The following STXBP5L variants were observed in gnomAD, a reference collection of about 807,000 sequenced individuals.
STXBP5L encodes syntaxin binding protein 5L, also known as syntaxin-binding protein 5-like.
In STXBP5L, 65 loss-of-function variants were observed where a neutral mutation model predicts 144.5. The observed-to-expected ratio is 0.45, with a 90% CI of 0.37 to 0.55. The LOEUF is 0.55. STXBP5L is among the 20% of genes least tolerant of loss of function. The pLI, the probability that STXBP5L is intolerant of heterozygous loss-of-function variation, is 0.00. For synonymous variants in STXBP5L, 505 were observed against 469.6 expected, an observed-to-expected ratio of 1.08 and a Z score of -0.97; for missense variants, 1,298 against 1,405.5, an observed-to-expected ratio of 0.92 and a Z score of 1.22.
intron 20 of STXBP5L, among the ~76,000 whole-genome samples, chr3:121,365,077 T>C (rs1287080349): frequency 2.6e-5 from 4 of 151,940 alleles, no homozygotes; most frequent in African/African-American, 9.7e-5. Flanking sequence ...AATTTTCACA[T>C]GTTAAATCAT....
intron 20 of STXBP5L, among the ~76,000 whole-genome samples, chr3:121,340,285 G>C (rs2044659902): frequency 6.6e-6 from 1 of 151,914 alleles, no homozygotes; most frequent in Non-Finnish European, 1.5e-5. Context: ...ACAAAGTATA[G>C]AAAGGCATGG....
At chr3:121,226,941 A>G (rs1396758660) in intron 11 of STXBP5L, among the ~76,000 whole-genome samples, 3 of 152,122 alleles carry the variant, frequency 2.0e-5, no homozygotes, top group Non-Finnish European at 2.9e-5. Flanking sequence ...AAAACTAGGA[A>G]CTCTTGAAGA....
intron 5 of STXBP5L, among the ~76,000 whole-genome samples, chr3:121,053,785 A>T (rs1948222808): frequency 6.6e-6 from 1 of 152,166 alleles, no homozygotes; most frequent in Non-Finnish European, 1.5e-5. Flanking sequence ...AGAAACTACC[A>T]TCAGAGTGAA....
chr3:121,181,775 CAAAA>C (rs928565899), intron 9 of STXBP5L, among the ~76,000 whole-genome samples: 6 of 151,620 alleles, frequency 4.0e-5, no homozygotes, highest in Non-Finnish European at 8.8e-5. Context: ...AACAAACAAA[CAAAA>C]AACAACCAAG....
At chr3:121,006,093 T>C (rs1344463003) in intron 3 of STXBP5L, among the ~76,000 whole-genome samples, 2 of 152,150 alleles carry the variant, frequency 1.3e-5, no homozygotes, top group Non-Finnish European at 2.9e-5. Context: ...CTGAGTTCAA[T>C]TCCTGGGTAT....
At chr3:121,366,253 T>C (rs978509054) in intron 20 of STXBP5L, among the ~76,000 whole-genome samples, 1 of 152,088 alleles carries the variant, frequency 6.6e-6, no homozygotes, top group South Asian at 2.1e-4. Context: ...GTATAGAGTG[T>C]TATATATCAC....
At chr3:121,254,746 G>A (rs539063763) in intron 15 of STXBP5L, 149 bp from the exon 16 acceptor site, 13 of 640,702 alleles carry the variant, frequency 2.0e-5, no homozygotes, top group Admixed American at 2.0e-4. Flanking sequence ...ATATGAAAGC[G>A]TGGCATTGAA....
chr3:120,977,246 A>G (rs1335127775), intron 3 of STXBP5L, among the ~76,000 whole-genome samples: 4 of 152,304 alleles, frequency 2.6e-5, no homozygotes, highest in South Asian at 4.1e-4. Context: ...GGGTGCATAT[A>G]TATTTAGGAT....
At chr3:121,211,289 CTT>C (rs1418773607) in intron 10 of STXBP5L, among the ~76,000 whole-genome samples, 1 of 152,166 alleles carries the variant, frequency 6.6e-6, no homozygotes, top group Non-Finnish European at 1.5e-5. Flanking sequence ...TATCCTGAGA[CTT>C]TGCTGATGTT....
intron 3 of STXBP5L, among the ~76,000 whole-genome samples, chr3:120,979,041 A>T (rs1168632954): frequency 6.6e-6 from 1 of 152,206 alleles, no homozygotes; most frequent in Non-Finnish European, 1.5e-5. Flanking sequence ...TCAGATCTCC[A>T]GCTGCATGCT....
chr3:121,140,852 A>T (rs2045468527), intron 7 of STXBP5L, among the ~76,000 whole-genome samples: 1 of 152,186 alleles, frequency 6.6e-6, no homozygotes, highest in African/African-American at 2.4e-5. Context: ...ATAGGTAATG[A>T]TATATTGCAC....
chr3:121,152,382 G>A, intron 7 of STXBP5L, 95 bp from the exon 8 acceptor site: 2 of 863,100 alleles, frequency 2.3e-6, no homozygotes. Context: ...AGGATGTTAT[G>A]TGGTATGATT....
chr3:120,962,572 AG>A (rs1938981317), intron 3 of STXBP5L, among the ~76,000 whole-genome samples: 1 of 152,174 alleles, frequency 6.6e-6, no homozygotes, highest in South Asian at 2.1e-4. Context: ...GATTTGTCAA[AG>A]ATCAGATGGT....
intron 2 of STXBP5L, among the ~76,000 whole-genome samples, chr3:120,936,058 C>G (rs867891402): frequency 6.6e-6 from 1 of 152,096 alleles, no homozygotes; most frequent in Non-Finnish European, 1.5e-5. Context: ...TCTTTTTTCT[C>G]TTTGCATATC....
intron 5 of STXBP5L, among the ~76,000 whole-genome samples, chr3:121,109,228 A>G (rs554384525): frequency 1.3e-4 from 20 of 152,044 alleles, no homozygotes; most frequent in South Asian, 4.2e-4. Context: ...TCATGTCTCT[A>G]TCGCCTTCAG....
At chr3:121,199,032 G>A (rs2048032100) in intron 9 of STXBP5L, among the ~76,000 whole-genome samples, 1 of 152,124 alleles carries the variant, frequency 6.6e-6, no homozygotes, top group Non-Finnish European at 1.5e-5. Flanking sequence ...AAAGTCAAAG[G>A]TAGCTTGTTG....
intron 3 of STXBP5L, among the ~76,000 whole-genome samples, chr3:120,957,132 A>C (rs970731521): frequency 3.9e-5 from 6 of 151,916 alleles, no homozygotes; most frequent in African/African-American, 1.4e-4. Flanking sequence ...TTGATCATAC[A>C]TGTTAGGGTT....
chr3:121,145,713 G>A (rs754826702), intron 7 of STXBP5L, among the ~76,000 whole-genome samples: 1 of 151,970 alleles, frequency 6.6e-6, no homozygotes, highest in Non-Finnish European at 1.5e-5. Flanking sequence ...GATACAAGTT[G>A]GGATGACGTT....
At chr3:121,406,976 A>T (rs2047006455) in intron 22 of STXBP5L, among the ~76,000 whole-genome samples, 1 of 151,942 alleles carries the variant, frequency 6.6e-6, no homozygotes, top group Non-Finnish European at 1.5e-5. Flanking sequence ...ACCTGGCCCA[A>T]CTTTCATAAT....
Sources: gnomAD v4.1 joint callset for allele counts (sites outside exome capture counted in the v4.1 genomes callset) on GRCh38, gnomAD v4.1.1 for gene constraint, MANE v1.5 for transcripts, NCBI Gene and HGNC (gene_info 2026-07-23, HGNC 2026-07-21) for gene names.